The following NAALADL2 variants were observed in gnomAD, a reference collection of about 807,000 sequenced individuals.
The protein encoded by NAALADL2 is inactive N-acetylated-alpha-linked acidic dipeptidase-like protein 2.
NAALADL2 carries 76 observed loss-of-function variants against 87.2 expected under a neutral mutation model. That is an observed-to-expected ratio of 0.87 (90% CI 0.72 to 1.05). The LOEUF is 1.05. Ranked by LOEUF, NAALADL2 falls within the 50% of genes least tolerant of loss-of-function variation. The pLI, the probability that NAALADL2 is intolerant of heterozygous loss-of-function variation, is 0.00. For missense variants in NAALADL2, 1,089 were observed against 945.8 expected (o/e 1.15, Z -1.99); for synonymous variants, 354 against 331.0 (o/e 1.07, Z -0.75).
chr3:175,434,811 T>G (rs1177612303), intron 5 of NAALADL2, among the ~76,000 whole-genome samples: 1 of 152,060 alleles, frequency 6.6e-6, no homozygotes, highest in Admixed American at 6.6e-5. Context: ...TAGCTTATAT[T>G]ACATGTAATG....
chr3:174,497,155 T>A (rs903625147), intron 1 of NAALADL2, among the ~76,000 whole-genome samples: 7 of 152,170 alleles, frequency 4.6e-5, no homozygotes, highest in Non-Finnish European at 1.0e-4. Flanking sequence ...CTTTTCAGAA[T>A]CATTTCTTTT....
intron 1 of NAALADL2, among the ~76,000 whole-genome samples, chr3:174,497,132 C>G (rs1196638590): frequency 6.6e-6 from 1 of 152,114 alleles, no homozygotes; most frequent in African/African-American, 2.4e-5. Flanking sequence ...AGATGATATG[C>G]AAATAGGTAA....
rs149842916 is a variant in NAALADL2 at position 174,542,157 on chromosome 3, C to T, written c.-183-8412C>T. 2.6e-5 allele frequency among the ~76,000 whole-genome samples: 4 copies of T among 152,216 alleles called. 1 individual carries two copies. In the East Asian group the frequency reaches 7.7e-4, roughly 29 times the overall value. ...CTGGTGGGAGTGTCTTATGCTGATA[C>T]ACATCAGGGAAACTAGAAATTGCTT... On this transcript the variant is annotated intron_variant, in intron 1 of 3. Coordinates refer to the NAALADL2 transcript ENST00000434257.
chr3:174,628,822 C>T (rs1423698021), intron 2 of NAALADL2, among the ~76,000 whole-genome samples: 1 of 152,252 alleles, frequency 6.6e-6, no homozygotes, highest in East Asian at 1.9e-4. Flanking sequence ...TCTTCACTGT[C>T]AGATTAATTT....
intron 13 of NAALADL2, among the ~76,000 whole-genome samples, chr3:175,786,229 T>G (rs2150235881): frequency 6.6e-6 from 1 of 152,090 alleles, no homozygotes; most frequent in Middle Eastern, 3.4e-3. Flanking sequence ...CTGTATTTCC[T>G]GAATCTGAAC....
chr3:175,493,435 A>G (rs1220295483), intron 9 of NAALADL2, among the ~76,000 whole-genome samples: 2 of 152,102 alleles, frequency 1.3e-5, no homozygotes, highest in African/African-American at 4.8e-5. Flanking sequence ...ATAATAGGTA[A>G]AACATTCATC....
chr3:174,972,528 T>C (rs1378155715), intron 1 of NAALADL2, among the ~76,000 whole-genome samples: 2 of 152,134 alleles, frequency 1.3e-5, no homozygotes, highest in African/African-American at 4.8e-5. Flanking sequence ...TATAGAGACA[T>C]TAGTCAACTG....
intron 11 of NAALADL2, among the ~76,000 whole-genome samples, chr3:175,657,011 G>C (rs115027606): frequency 0.026 from 3,915 of 152,190 alleles, 165 homozygotes; most frequent in African/African-American, 0.089. Flanking sequence ...CTTGAAAAAT[G>C]AGTGTAAGAA....
At chr3:175,620,025 T>C (rs2149696903) in intron 10 of NAALADL2, among the ~76,000 whole-genome samples, 1 of 151,750 alleles carries the variant, frequency 6.6e-6, no homozygotes, top group African/African-American at 2.4e-5. Flanking sequence ...GCAGGCACGC[T>C]ACTCACTCTT....
At chr3:174,510,890 T>C (rs1719558968) in intron 1 of NAALADL2, among the ~76,000 whole-genome samples, 1 of 151,984 alleles carries the variant, frequency 6.6e-6, no homozygotes, top group Non-Finnish European at 1.5e-5. Flanking sequence ...AATTGTGACA[T>C]GACGTGTGTT....
chr3:174,861,408 G>A (rs1208305062), intron 1 of NAALADL2, among the ~76,000 whole-genome samples: 2 of 152,026 alleles, frequency 1.3e-5, no homozygotes, highest in Admixed American at 6.6e-5. Flanking sequence ...ATCTGAAATT[G>A]AGTTTCAAAA....
intron 2 of NAALADL2, among the ~76,000 whole-genome samples, chr3:174,578,055 A>G (rs1715737460): frequency 6.6e-6 from 1 of 152,054 alleles, no homozygotes; most frequent in Admixed American, 6.6e-5. Context: ...GAAGGCGAAG[A>G]GAAATCAATA....
intron 2 of NAALADL2, among the ~76,000 whole-genome samples, chr3:175,154,982 T>G (rs577488702): frequency 2.6e-5 from 4 of 151,734 alleles, no homozygotes; most frequent in Non-Finnish European, 4.4e-5. Flanking sequence ...GAAAGAAGAG[T>G]TGAAGGTGTG....
chr3:174,586,486 G>A (rs1230529883), intron 2 of NAALADL2, among the ~76,000 whole-genome samples: 7 of 152,188 alleles, frequency 4.6e-5, no homozygotes, highest in Non-Finnish European at 1.0e-4. Flanking sequence ...CCAGCGACGA[G>A]ACCACAGGGT....
At chr3:175,037,508 G>C (rs778465670) in intron 1 of NAALADL2, among the ~76,000 whole-genome samples, 1 of 152,154 alleles carries the variant, frequency 6.6e-6, no homozygotes, top group Non-Finnish European at 1.5e-5. Flanking sequence ...TGTTCTGACA[G>C]AGCTTAGACT....
chr3:174,620,346 G>A (rs1377490701), intron 2 of NAALADL2, among the ~76,000 whole-genome samples: 5 of 151,972 alleles, frequency 3.3e-5, no homozygotes, highest in African/African-American at 4.8e-5. Context: ...ATGCACAAGG[G>A]TGCTGTGAAA....
intron 2 of NAALADL2, among the ~76,000 whole-genome samples, chr3:174,700,730 T>C (rs1371051686): frequency 1.3e-5 from 2 of 152,082 alleles, no homozygotes; most frequent in Non-Finnish European, 2.9e-5. Flanking sequence ...AATAAATAAA[T>C]AGGACAAATT....
At chr3:174,693,439 A>G (rs1014383687) in intron 2 of NAALADL2, among the ~76,000 whole-genome samples, 1 of 152,076 alleles carries the variant, frequency 6.6e-6, no homozygotes, top group African/African-American at 2.4e-5. Flanking sequence ...TTTGGTCTTT[A>G]TTTTACTACC....
chr3:175,352,373 TA>T (rs1763870533), intron 5 of NAALADL2, among the ~76,000 whole-genome samples: 1 of 152,122 alleles, frequency 6.6e-6, no homozygotes, highest in Non-Finnish European at 1.5e-5. Flanking sequence ...ACTCTTTATT[TA>T]CACAAAGGGA....
Sources: allele counts gnomAD v4.1 joint callset (sites outside exome capture counted in the v4.1 genomes callset), GRCh38; gene constraint gnomAD v4.1.1; transcripts MANE v1.5; gene names NCBI Gene and HGNC (gene_info 2026-07-23, HGNC 2026-07-21).